Variants in L3MBTL4 observed in about 807,000 individuals in gnomAD.
The protein encoded by L3MBTL4 is lethal(3)malignant brain tumor-like protein 4.
In L3MBTL4, 70 loss-of-function variants were observed where a neutral mutation model predicts 84.5. That is an observed-to-expected ratio of 0.83 (90% CI 0.68 to 1.01). The LOEUF is 1.01. Among genes scored for constraint, L3MBTL4 ranks in the 50% least tolerant of loss-of-function variants. The pLI, the probability that L3MBTL4 is intolerant of heterozygous loss-of-function variation, is 0.00. For missense variants in L3MBTL4, 715 were observed against 754.8 expected (o/e 0.95, Z 0.62); for synonymous variants, 274 against 259.8 (o/e 1.05, Z -0.52).
intron 16 of L3MBTL4, among the ~76,000 whole-genome samples, chr18:6,043,865 T>C (rs1568025765): frequency 6.6e-6 from 1 of 152,196 alleles, no homozygotes; most frequent in Non-Finnish European, 1.5e-5. Flanking sequence ...AAATGACTTT[T>C]TAAATCTCAC....
intron 5 of L3MBTL4, among the ~76,000 whole-genome samples, chr18:6,246,971 G>T (rs1718811622): frequency 6.6e-6 from 1 of 152,038 alleles, no homozygotes; most frequent in Admixed American, 6.6e-5. Context: ...GAGAGCACAT[G>T]CATAGATAGA....
At chr18:6,275,483 A>G (rs1252225263) in intron 4 of L3MBTL4, among the ~76,000 whole-genome samples, 1 of 152,162 alleles carries the variant, frequency 6.6e-6, no homozygotes, top group Non-Finnish European at 1.5e-5. Context: ...AAGAGGTGAC[A>G]TCAGGGGCAA....
intron 5 of L3MBTL4, among the ~76,000 whole-genome samples, chr18:6,258,242 G>A (rs906707991): frequency 6.6e-6 from 1 of 152,212 alleles, no homozygotes; most frequent in Non-Finnish European, 1.5e-5. Flanking sequence ...AGGGAGCAGG[G>A]AGAGCCCAGA....
At chr18:6,159,110 G>C (rs1456481273) in intron 13 of L3MBTL4, among the ~76,000 whole-genome samples, 2 of 152,148 alleles carry the variant, frequency 1.3e-5, no homozygotes, top group Non-Finnish European at 2.9e-5. Context: ...CTATTTTTGG[G>C]CTTTGCTGCC....
At chr18:5,975,593 C>T (rs1402820572) in intron 16 of L3MBTL4, among the ~76,000 whole-genome samples, 1 of 152,228 alleles carries the variant, frequency 6.6e-6, no homozygotes, top group East Asian at 1.9e-4. Flanking sequence ...GCGTACTGAA[C>T]GTGCTTGAAG....
chr18:6,273,677 T>C (rs557555906), intron 4 of L3MBTL4, among the ~76,000 whole-genome samples: 1 of 152,106 alleles, frequency 6.6e-6, no homozygotes, highest in Non-Finnish European at 1.5e-5. Context: ...GCCATGAGAA[T>C]GTGAGATAAA....
At position 6,297,033 on chromosome 18, in the gene L3MBTL4, G is replaced by A. The variant is rs894783083; in HGVS notation, c.127+4870C>T. Among the ~76,000 whole-genome samples the A allele has an allele frequency of 1.3e-5, 2 of 152,126 alleles. 1 individual carries two copies. The highest frequency in any genetic ancestry group is 4.8e-5 in the African/African-American group (2 of 41,436). On this transcript the variant is annotated intron_variant, in intron 4 of 18. Transcript: ENST00000317931. ...TGTCTAAGTCAATCTTCAAGTGGAA[G>A]AAAAATAAGAGCATGAAAGCTTCCA...
At chr18:6,402,810 T>A (rs767993564) in intron 1 of L3MBTL4, among the ~76,000 whole-genome samples, 4 of 152,216 alleles carry the variant, frequency 2.6e-5, no homozygotes, top group Non-Finnish European at 5.9e-5. Context: ...AAAAGGTTAG[T>A]TTATATAAAA....
chr18:6,328,559 T>A (rs17502069), intron 1 of L3MBTL4, among the ~76,000 whole-genome samples: 17,453 of 152,226 alleles, frequency 0.11, 1,058 homozygotes, highest in Non-Finnish European at 0.13. Context: ...CAAAATGACA[T>A]ACAACATTAA....
At chr18:6,150,077 C>G (rs1382850151) in intron 13 of L3MBTL4, among the ~76,000 whole-genome samples, 2 of 152,144 alleles carry the variant, frequency 1.3e-5, no homozygotes, top group Non-Finnish European at 2.9e-5. Context: ...ACTGTTTTTC[C>G]TCTCTTTTAC....
chr18:6,178,773 A>G (rs921015395), intron 12 of L3MBTL4, among the ~76,000 whole-genome samples: 6 of 152,176 alleles, frequency 3.9e-5, no homozygotes, highest in African/African-American at 1.4e-4. Flanking sequence ...GCATATTAAA[A>G]ACAACAACAA....
chr18:6,054,271 A>G (rs1438680612), intron 16 of L3MBTL4, among the ~76,000 whole-genome samples: 1 of 152,036 alleles, frequency 6.6e-6, no homozygotes, highest in African/African-American at 2.4e-5. Flanking sequence ...AGTCCCCCAG[A>G]GTGCCCACCG....
chr18:6,394,728 T>A (rs1033052211), intron 1 of L3MBTL4: 3 of 152,190 alleles, frequency 2.0e-5, no homozygotes, highest in South Asian at 2.1e-4. Flanking sequence ...CCACTATAAA[T>A]AAATTTTATA....
At chr18:6,227,442 T>C (rs2033825983) in intron 10 of L3MBTL4, among the ~76,000 whole-genome samples, 2 of 152,178 alleles carry the variant, frequency 1.3e-5, no homozygotes. Context: ...CATTGTTTGA[T>C]AACAAAATTA....
chr18:6,375,563 A>C (rs1263317350), intron 1 of L3MBTL4, among the ~76,000 whole-genome samples: 1 of 152,146 alleles, frequency 6.6e-6, no homozygotes, highest in Non-Finnish European at 1.5e-5. Context: ...CCTTAGCATG[A>C]CACTCAGCAC....
intron 13 of L3MBTL4, among the ~76,000 whole-genome samples, chr18:6,161,012 C>A (rs1322439232): frequency 1.3e-5 from 2 of 152,128 alleles, no homozygotes; most frequent in African/African-American, 4.8e-5. Flanking sequence ...CAAAATATGA[C>A]CCAGTTAGAT....
chr18:6,158,351 C>T (rs1397318497), intron 13 of L3MBTL4, among the ~76,000 whole-genome samples: 1 of 152,112 alleles, frequency 6.6e-6, no homozygotes, highest in Non-Finnish European at 1.5e-5. Flanking sequence ...AAGAAGGGAC[C>T]ATTCAAGATG....
chr18:6,410,361 C>T (rs993742148), intron 1 of L3MBTL4, among the ~76,000 whole-genome samples: 4 of 152,250 alleles, frequency 2.6e-5, no homozygotes, highest in Admixed American at 6.5e-5. Flanking sequence ...TCTGTACTTA[C>T]ATATGTTTGG....
intron 16 of L3MBTL4, chr18:6,046,810 T>G: frequency 1.3e-6 from 1 of 750,360 alleles, no homozygotes; most frequent in Admixed American, 1.9e-5. Context: ...TAGCAAGATC[T>G]CAAACTAACA....
Sources: allele counts gnomAD v4.1 joint callset (sites outside exome capture counted in the v4.1 genomes callset), GRCh38; gene constraint gnomAD v4.1.1; transcripts MANE v1.5; gene names NCBI Gene and HGNC (gene_info 2026-07-23, HGNC 2026-07-21).